Variants in CTNNA3 observed in about 807,000 individuals in gnomAD.
CTNNA3 encodes the protein catenin alpha-3.
In CTNNA3, 76 loss-of-function variants were observed where a neutral mutation model predicts 95.7. That is an observed-to-expected ratio of 0.79 (90% CI 0.66 to 0.96). The LOEUF (loss-of-function observed/expected upper bound fraction) is 0.96, where lower values mean the gene tolerates loss of function less well. Ranked by LOEUF, CTNNA3 falls within the 40% of genes least tolerant of loss-of-function variation. The pLI, the probability that CTNNA3 is intolerant of heterozygous loss-of-function variation, is 0.00. For missense variants in CTNNA3, 1,191 were observed against 1,089.8 expected (o/e 1.09, Z -1.31); for synonymous variants, 431 against 374.4 (o/e 1.15, Z -1.74).
intron 9 of CTNNA3, among the ~76,000 whole-genome samples, chr10:66,650,898 C>A (rs549392820): frequency 2.6e-5 from 4 of 152,148 alleles, no homozygotes; most frequent in East Asian, 1.9e-4. Context: ...AAGAACAAGG[C>A]TTCCACAGCC....
At chr10:66,456,476 T>A (rs145901549) in intron 11 of CTNNA3, among the ~76,000 whole-genome samples, 481 of 151,232 alleles carry the variant, frequency 3.2e-3, no homozygotes, top group African/African-American at 0.011. Context: ...TGACCTGGAG[T>A]TTGAGACCAG....
intron 9 of CTNNA3, among the ~76,000 whole-genome samples, chr10:66,749,075 C>T (rs899611276): frequency 1.3e-5 from 2 of 150,982 alleles, no homozygotes; most frequent in African/African-American, 4.9e-5. Context: ...TCCCAGCTGT[C>T]ACCTGTAGTC....
intron 9 of CTNNA3, among the ~76,000 whole-genome samples, chr10:66,699,333 C>A (rs1847867011): frequency 6.6e-6 from 1 of 152,108 alleles, no homozygotes. Context: ...TTATCAGCAA[C>A]ATTGTACCAG....
chr10:67,392,922 A>T (rs1844561941), intron 5 of CTNNA3, among the ~76,000 whole-genome samples: 1 of 152,114 alleles, frequency 6.6e-6, no homozygotes, highest in Non-Finnish European at 1.5e-5. Context: ...GGGGGGAAGC[A>T]GGAGGGATAG....
At chr10:67,696,513 G>C (rs1840967658), upstream of CTNNA3, among the ~76,000 whole-genome samples, 1 of 152,146 alleles carries the variant, frequency 6.6e-6, no homozygotes, top group South Asian at 2.1e-4. Flanking sequence ...GAACCCTAGA[G>C]ATGATGGCAT....
At chr10:66,685,008 T>G (rs1350195525) in intron 9 of CTNNA3, among the ~76,000 whole-genome samples, 2 of 151,490 alleles carry the variant, frequency 1.3e-5, no homozygotes, top group Non-Finnish European at 2.9e-5. Context: ...TCATGGCTAA[T>G]AGTTCAAATT....
At chr10:66,923,832 T>C (rs1052590990) in intron 7 of CTNNA3, among the ~76,000 whole-genome samples, 1 of 152,226 alleles carries the variant, frequency 6.6e-6, no homozygotes, top group African/African-American at 2.4e-5. Context: ...CATAATCAGT[T>C]ATACTATATC....
intron 12 of CTNNA3, among the ~76,000 whole-genome samples, chr10:66,360,814 TTCCTTTC>T (rs2092663800): frequency 4.2e-5 from 3 of 71,236 alleles, no homozygotes; most frequent in Non-Finnish European, 7.9e-5. Flanking sequence ...CCTTCCTTCC[TTCCTTTC>T]TTTCTTTCTT....
intron 5 of CTNNA3, among the ~76,000 whole-genome samples, chr10:67,418,064 G>A (rs1184573845): frequency 6.6e-6 from 1 of 152,050 alleles, no homozygotes; most frequent in East Asian, 1.9e-4. Context: ...GCTACAACAT[G>A]GATAAACCTT....
intron 11 of CTNNA3, among the ~76,000 whole-genome samples, chr10:66,451,464 A>T (rs890416867): frequency 1.3e-5 from 2 of 152,148 alleles, no homozygotes; most frequent in Non-Finnish European, 2.9e-5. Flanking sequence ...ACAAGTTAGG[A>T]AATAAAAACG....
chr10:66,205,092 T>G (rs1425574332), intron 13 of CTNNA3, among the ~76,000 whole-genome samples: 2 of 152,074 alleles, frequency 1.3e-5, no homozygotes, highest in Non-Finnish European at 2.9e-5. Flanking sequence ...TTCAAAAAAA[T>G]GTTGTTTTTC....
At chr10:67,593,874 A>T (rs924534407) in intron 3 of CTNNA3, among the ~76,000 whole-genome samples, 1 of 152,060 alleles carries the variant, frequency 6.6e-6, no homozygotes, top group African/African-American at 2.4e-5. Context: ...TTGCCTATTC[A>T]TATGCTGTTG....
At chr10:67,636,774 C>T (rs561117237) in intron 2 of CTNNA3, among the ~76,000 whole-genome samples, 1 of 152,156 alleles carries the variant, frequency 6.6e-6, no homozygotes, top group Non-Finnish European at 1.5e-5. Context: ...GGACCTCCAG[C>T]AAACTCCAAC....
intron 7 of CTNNA3, among the ~76,000 whole-genome samples, chr10:66,983,570 T>G (rs1850566406): frequency 6.6e-6 from 1 of 152,176 alleles, no homozygotes; most frequent in Non-Finnish European, 1.5e-5. Context: ...ACTGGAGTTT[T>G]TATTGAGCTA....
chr10:67,584,238 G>A (rs925153225), intron 3 of CTNNA3, among the ~76,000 whole-genome samples: 12 of 152,164 alleles, frequency 7.9e-5, no homozygotes, highest in African/African-American at 2.7e-4. Flanking sequence ...ACGTACAGAT[G>A]GGGTTTTGGT....
chr10:66,058,817 T>C (rs2080136536), intron 15 of CTNNA3, among the ~76,000 whole-genome samples: 3 of 152,198 alleles, frequency 2.0e-5, no homozygotes, highest in African/African-American at 4.8e-5. Flanking sequence ...GAAGGATTAC[T>C]GGCTGTGATA....
chr10:66,295,634 C>A (rs1275227613), intron 12 of CTNNA3, among the ~76,000 whole-genome samples: 1 of 152,126 alleles, frequency 6.6e-6, no homozygotes, highest in Non-Finnish European at 1.5e-5. Flanking sequence ...GGAATCAAAA[C>A]CAGACTCAGC....
chr10:66,599,002 A>C (rs1302058706), intron 10 of CTNNA3, among the ~76,000 whole-genome samples: 1 of 151,380 alleles, frequency 6.6e-6, no homozygotes, highest in Non-Finnish European at 1.5e-5. Context: ...TTATATCACA[A>C]AGGTATAGTA....
chr10:67,378,695 C>A (rs1002250184), intron 5 of CTNNA3, among the ~76,000 whole-genome samples: 6 of 152,256 alleles, frequency 3.9e-5, no homozygotes, highest in Middle Eastern at 3.4e-3. Flanking sequence ...TTAACAGTGT[C>A]CTCCAGTTCC....
Sources: allele counts gnomAD v4.1 joint callset (sites outside exome capture counted in the v4.1 genomes callset), GRCh38; gene constraint gnomAD v4.1.1; transcripts MANE v1.5; gene names NCBI Gene and HGNC (gene_info 2026-07-23, HGNC 2026-07-21).